NFATC3: variants seen among roughly 807,000 people sequenced by gnomAD.
The protein encoded by NFATC3 is nuclear factor of activated T cells 3.
In NFATC3, 46 loss-of-function variants were observed where a neutral mutation model predicts 98.6. The ratio of observed to expected loss-of-function variants is 0.47; its 90% CI spans 0.37 to 0.60. The LOEUF (loss-of-function observed/expected upper bound fraction) is 0.60, where lower values mean the gene tolerates loss of function less well. Among genes scored for constraint, NFATC3 ranks in the 20% least tolerant of loss-of-function variants. The pLI is 0.00. For missense variants in NFATC3, 1,256 were observed against 1,295.5 expected (o/e 0.97, Z 0.47); for synonymous variants, 512 against 472.2 (o/e 1.08, Z -1.09).
chr16:68,216,025 C>A (rs914175320), intron 9 of NFATC3, among the ~76,000 whole-genome samples: 3 of 151,898 alleles, frequency 2.0e-5, no homozygotes, highest in Non-Finnish European at 4.4e-5. Context: ...ACCGCGCTGG[C>A]CCAGATTTAC....
chr16:68,157,941 C>T lies in NFATC3; in HGVS notation c.1474C>T (p.Pro492Ser). 1.2e-6 allele frequency: 2 copies of T among 1,613,876 alleles called. No individual in the cohort carries two copies. Among genetic ancestry groups the T allele is most frequent in the Non-Finnish European group, 1.7e-6 (2 of 1,179,880 alleles). ...IGTADDRYLR[P>S]HAFYQVHRIT... ...GACAGCAGATGATCGATATTTACGA[C>T]CTCATGCATTTTACCAGGTGCATCG... The change falls in exon 4 of 10, where the codon CCT (proline) becomes TCT (serine). Residue 492 changes from proline (P) to serine (S), a missense_variant. Pro to Ser is a moderately conservative substitution (Grantham distance 74). Around this residue, in one of 3 missense-constraint regions of NFATC3, gnomAD observed 156 missense variants for 212.4 expected, o/e 0.73. Transcript: ENST00000346183.
chr16:68,212,383 G>A (rs2041445573), intron 9 of NFATC3: 1 of 152,146 alleles, frequency 6.6e-6, no homozygotes, highest in African/African-American at 2.4e-5. Flanking sequence ...TGTTCATAGA[G>A]ACTACATGCA....
chr16:68,170,295 G>A (rs2039397406), intron 5 of NFATC3, among the ~76,000 whole-genome samples: 1 of 148,406 alleles, frequency 6.7e-6, no homozygotes, highest in South Asian at 2.1e-4. Context: ...GGAGGTTGAG[G>A]CAAAGGAATC....
chr16:68,181,844 C>G (rs867872097), intron 7 of NFATC3, among the ~76,000 whole-genome samples: 5 of 152,206 alleles, frequency 3.3e-5, no homozygotes, highest in Non-Finnish European at 7.4e-5. Flanking sequence ...GGAGGATCAC[C>G]TGAGCCTGGG....
chr16:68,153,691 G>A (rs916487255), intron 3 of NFATC3, among the ~76,000 whole-genome samples: 11 of 152,190 alleles, frequency 7.2e-5, no homozygotes, highest in African/African-American at 2.6e-4. Context: ...TCAGCTCACT[G>A]CAAGCTCCAC....
At chr16:68,112,824 T>C (rs2036053118) in intron 1 of NFATC3, among the ~76,000 whole-genome samples, 1 of 151,862 alleles carries the variant, frequency 6.6e-6, no homozygotes, top group Admixed American at 6.6e-5. Context: ...GCCCGTCTTA[T>C]TTTAGCAAGA....
chr16:68,226,056 TAAAGAA>T (rs2042027358), intron 9 of NFATC3: 1 of 232,304 alleles, frequency 4.3e-6, no homozygotes, highest in Non-Finnish European at 8.2e-6. Context: ...AGATATGAAT[TAAAGAA>T]AAGTTAGAGT....
intron 1 of NFATC3, among the ~76,000 whole-genome samples, chr16:68,109,662 T>C (rs943171986): frequency 5.9e-5 from 9 of 152,214 alleles, no homozygotes; most frequent in African/African-American, 2.2e-4. Context: ...CCAGCTTCTC[T>C]TTGTACCTCT....
At chr16:68,151,434 C>A (rs1282411229) in intron 3 of NFATC3, among the ~76,000 whole-genome samples, 1 of 152,122 alleles carries the variant, frequency 6.6e-6, no homozygotes, top group Non-Finnish European at 1.5e-5. Flanking sequence ...GAACTCTTTA[C>A]ATGGTAAGTT....
At position 68,160,171 on chromosome 16, in the gene NFATC3, A is replaced by G. The variant is rs1171990528; in HGVS notation, c.1601+2103A>G. Among the ~76,000 whole-genome samples the G allele has an allele frequency of 4.6e-5, 7 of 152,310 alleles. No homozygotes were observed. In the East Asian group the frequency reaches 1.4e-3, roughly 29 times the overall value. ...GATGAGCTGAGTGTACTCCCTGAGG[A>G]CATAGAAACTGATATGTTTCTATTA... On this transcript the variant is annotated intron_variant, in intron 4 of 9. Coordinates refer to ENST00000346183, the MANE Select transcript of NFATC3 (RefSeq NM_173165.3).
chr16:68,192,334 G>GTATGTGTATATATATATATAT (rs2040479562), intron 9 of NFATC3: 1 of 126,662 alleles, frequency 7.9e-6, no homozygotes, highest in Non-Finnish European at 1.7e-5. Context: ...TATATATATA[G>GTATGTGTATATATATATATAT]AGAGAGAGAG....
intron 4 of NFATC3, among the ~76,000 whole-genome samples, chr16:68,165,475 C>T (rs2039149237): frequency 6.8e-6 from 1 of 147,940 alleles, no homozygotes. Flanking sequence ...CAGCTCATTG[C>T]AACCTCTGCC....
intron 5 of NFATC3, 105 bp downstream of exon 5, chr16:68,167,120 A>G (rs2039231903): frequency 3.4e-6 from 4 of 1,186,784 alleles, no homozygotes; most frequent in Non-Finnish European, 4.8e-6. Flanking sequence ...TGAGGCATAC[A>G]ATCTGGGTTG....
At chr16:68,121,456 A>C (rs1187870879) in intron 1 of NFATC3, among the ~76,000 whole-genome samples, 1 of 151,244 alleles carries the variant, frequency 6.6e-6, no homozygotes, top group Non-Finnish European at 1.5e-5. Context: ...CTAAGGTGGG[A>C]GGATAGCTTG....
chr16:68,224,987 CTT>C (rs985204978), intron 9 of NFATC3: 6 of 152,158 alleles, frequency 3.9e-5, no homozygotes, highest in African/African-American at 1.4e-4. Context: ...GAGTCTCACT[CTT>C]GTTTCCCAGG....
chr16:68,138,600 A>G (rs1028572242), intron 3 of NFATC3: 2 of 1,289,214 alleles, frequency 1.6e-6, no homozygotes, highest in Admixed American at 4.6e-5. Context: ...GAAAGCACTC[A>G]AGATACTTAA....
At chr16:68,200,765 G>A (rs2040878345) in intron 9 of NFATC3, 2 of 152,114 alleles carry the variant, frequency 1.3e-5, no homozygotes, top group African/African-American at 2.4e-5. Flanking sequence ...TTCTGTGGCT[G>A]TCCAATTATC....
chr16:68,099,545 G>C (rs2035228875), intron 1 of NFATC3, among the ~76,000 whole-genome samples: 1 of 151,688 alleles, frequency 6.6e-6, no homozygotes, highest in Admixed American at 6.6e-5. Context: ...GGGTTGCAGT[G>C]AGCTGAGATT....
chr16:68,163,955 C>T (rs1383517488), intron 4 of NFATC3, among the ~76,000 whole-genome samples: 26 of 145,374 alleles, frequency 1.8e-4, no homozygotes, highest in Admixed American at 9.0e-4. Context: ...ACGTCCCAGA[C>T]GATGGGCGGC....
Sources: allele counts gnomAD v4.1 joint callset (sites outside exome capture counted in the v4.1 genomes callset), GRCh38; gene constraint gnomAD v4.1.1; regional missense constraint gnomAD v4.1.1; transcripts MANE v1.5; gene names NCBI Gene and HGNC (gene_info 2026-07-23, HGNC 2026-07-21).